GRID2: variants seen among roughly 807,000 people sequenced by gnomAD.
The protein encoded by GRID2 is glutamate ionotropic receptor delta type subunit 2.
Under a neutral mutation model 114.8 loss-of-function variants are expected in GRID2, and 33 were observed. That is an observed-to-expected ratio of 0.29 (90% CI 0.22 to 0.38). The LOEUF is 0.38. Among genes scored for constraint, GRID2 ranks in the 10% least tolerant of loss-of-function variants. The pLI is 1.00. For synonymous variants in GRID2, 505 were observed against 449.9 expected (o/e 1.12, Z -1.55); for missense variants, 1,184 against 1,257.7 (o/e 0.94, Z 0.89).
At chr4:93,613,157 G>C (rs1407962140) in intron 13 of GRID2, among the ~76,000 whole-genome samples, 21 of 149,304 alleles carry the variant, frequency 1.4e-4, no homozygotes, top group Admixed American at 8.0e-4. Context: ...TGGTTTTCAG[G>C]TCCATCAGCT....
chr4:93,072,281 A>G (rs1309638542), intron 2 of GRID2, among the ~76,000 whole-genome samples: 1 of 152,142 alleles, frequency 6.6e-6, no homozygotes, highest in East Asian at 1.9e-4. Context: ...AGAACACAAA[A>G]CAGTCTGTCC....
At chr4:93,053,734 G>A (rs1046819519) in intron 2 of GRID2, among the ~76,000 whole-genome samples, 12 of 151,986 alleles carry the variant, frequency 7.9e-5, no homozygotes, top group Non-Finnish European at 1.6e-4. Context: ...ATCTGCTATA[G>A]CACATTAACT....
intron 1 of GRID2, among the ~76,000 whole-genome samples, chr4:93,779,767 G>A (rs888798666): frequency 1.3e-5 from 2 of 152,178 alleles, no homozygotes; most frequent in Admixed American, 6.5e-5. Context: ...TTGTACCAGA[G>A]GTTACAGTGC....
intron 1 of GRID2, among the ~76,000 whole-genome samples, chr4:92,377,244 C>A (rs939556749): frequency 1.6e-4 from 24 of 152,138 alleles, no homozygotes; most frequent in Non-Finnish European, 3.1e-4. Flanking sequence ...CCAAAATCAT[C>A]TCTCTCAAGT....
At chr4:92,754,413 A>T (rs1737610516) in intron 2 of GRID2, among the ~76,000 whole-genome samples, 1 of 152,152 alleles carries the variant, frequency 6.6e-6, no homozygotes, top group Non-Finnish European at 1.5e-5. Flanking sequence ...GGGCTTTCCA[A>T]GAGAGTGTGA....
At chr4:92,465,232 A>G (rs903570590) in intron 1 of GRID2, among the ~76,000 whole-genome samples, 2 of 151,992 alleles carry the variant, frequency 1.3e-5, no homozygotes, top group Non-Finnish European at 2.9e-5. Context: ...CCGAGTTTTA[A>G]AAGATAACTA....
intron 13 of GRID2, among the ~76,000 whole-genome samples, chr4:93,597,466 A>G (rs1739221046): frequency 6.6e-6 from 1 of 152,204 alleles, no homozygotes; most frequent in Admixed American, 6.5e-5. Context: ...GTTAGGAGTC[A>G]GTATACTTTT....
chr4:93,806,111 C>CA (rs954251544), intron 1 of GRID2, among the ~76,000 whole-genome samples: 46 of 151,624 alleles, frequency 3.0e-4, no homozygotes, highest in Admixed American at 2.3e-3. Context: ...AAAAAATAAA[C>CA]AAAAAAAAGC....
rs1753071526 is a variant in GRID2, at chr4:92,965,381, G to A, written c.245-119614G>A. Among the ~76,000 whole-genome samples, 5 of 140,856 alleles carry A rather than the reference G, an allele frequency of 3.5e-5. No individual in the cohort carries two copies. The South Asian group carries it at 6.8e-4, about 19-fold the overall frequency. The allele number at this position is 140,856 out of a possible 152,430, so 92.4% of individuals were successfully genotyped here. ...TGTGACACAGAGACATAAAAAGTAAGCACTTGCTGTTGGAAAAATTGTGCA... is the reference window on the plus strand; with the variant it reads ...TGTGACACAGAGACATAAAAAGTAAACACTTGCTGTTGGAAAAATTGTGCA... On this transcript the variant is annotated intron_variant, in intron 2 of 15. Transcript: ENST00000282020.
intron 2 of GRID2, among the ~76,000 whole-genome samples, chr4:92,634,680 G>T (rs950022448): frequency 6.6e-6 from 1 of 150,986 alleles, no homozygotes; most frequent in African/African-American, 2.4e-5. Context: ...ATATGTTAAT[G>T]CATTTTAATA....
chr4:93,199,786 A>T (rs1741878716), intron 4 of GRID2, among the ~76,000 whole-genome samples: 1 of 152,146 alleles, frequency 6.6e-6, no homozygotes, highest in Admixed American at 6.5e-5. Flanking sequence ...CATCTGCTGG[A>T]TATTCTTGGG....
rs1405794170 is a variant in GRID2 at position 92,936,198 on chromosome 4, C to T, written c.245-148797C>T. 1.4e-4 allele frequency among the ~76,000 whole-genome samples: 20 copies of T among 146,278 alleles called. 1 individual carries two copies. The highest frequency in any genetic ancestry group is 6.7e-4 in the Admixed American group (9 of 13,500). ...ACATTTATATTGTGATCTTCACAAA[C>T]GAATCATTATGAAACACTTTTGACA... On this transcript the variant is annotated intron_variant, in intron 2 of 15. Transcript: ENST00000282020.
At chr4:93,659,370 G>T (rs1030734982) in intron 14 of GRID2, among the ~76,000 whole-genome samples, 12 of 152,056 alleles carry the variant, frequency 7.9e-5, no homozygotes, top group African/African-American at 2.9e-4. Context: ...TCCATTGTGG[G>T]TATAGGCTGA....
chr4:92,726,945 T>C (rs866456412), intron 2 of GRID2, among the ~76,000 whole-genome samples: 3 of 152,222 alleles, frequency 2.0e-5, no homozygotes, highest in Middle Eastern at 3.4e-3. Flanking sequence ...GTTGTTCTGA[T>C]GCATTGAGGG....
intron 2 of GRID2, among the ~76,000 whole-genome samples, chr4:92,889,345 C>A (rs1420916698): frequency 6.6e-6 from 1 of 152,126 alleles, no homozygotes; most frequent in Non-Finnish European, 1.5e-5. Flanking sequence ...TTGCAGATGA[C>A]ATGATTGTAT....
intron 14 of GRID2, among the ~76,000 whole-genome samples, chr4:93,631,460 G>A (rs1250331400): frequency 2.0e-5 from 3 of 152,144 alleles, no homozygotes; most frequent in Non-Finnish European, 4.4e-5. Context: ...GTGAGAACAT[G>A]CGGTGTTTGG....
chr4:92,537,771 T>C (rs1579539832), intron 1 of GRID2, among the ~76,000 whole-genome samples: 1 of 145,926 alleles, frequency 6.9e-6, no homozygotes, highest in Middle Eastern at 3.5e-3. Context: ...TGATCTGCTT[T>C]CCAAAAACTT....
At chr4:93,232,300 A>G (rs1181325206) in intron 7 of GRID2, among the ~76,000 whole-genome samples, 1 of 152,140 alleles carries the variant, frequency 6.6e-6, no homozygotes, top group East Asian at 1.9e-4. Context: ...TATGTATTCT[A>G]TATTAGTAAG....
chr4:93,194,614 G>A (rs1017201323), intron 4 of GRID2, among the ~76,000 whole-genome samples: 2 of 152,144 alleles, frequency 1.3e-5, no homozygotes, highest in African/African-American at 2.4e-5. Context: ...TGTCTTGCTT[G>A]TTGAAACAAC....
Sources: allele counts gnomAD v4.1 joint callset (sites outside exome capture counted in the v4.1 genomes callset), GRCh38; gene constraint gnomAD v4.1.1; transcripts MANE v1.5; gene names NCBI Gene and HGNC (gene_info 2026-07-23, HGNC 2026-07-21).